CMSS1: variants seen among roughly 807,000 people sequenced by gnomAD.
The protein encoded by CMSS1 is cms1 ribosomal small subunit homolog, also known as protein CMSS1.
In CMSS1, 33 loss-of-function variants were observed where a neutral mutation model predicts 43.5. That is an observed-to-expected ratio of 0.76 (90% CI 0.57 to 1.01). The LOEUF (loss-of-function observed/expected upper bound fraction) is 1.01, where lower values mean the gene tolerates loss of function less well. Among genes scored for constraint, CMSS1 ranks in the 50% least tolerant of loss-of-function variants. The pLI is 0.00. For synonymous variants in CMSS1, 115 were observed against 117.2 expected (o/e 0.98, Z 0.12); for missense variants, 313 against 326.4 (o/e 0.96, Z 0.32).
intron 1 of CMSS1, among the ~76,000 whole-genome samples, chr3:99,950,591 G>T (rs889845808): frequency 2.0e-5 from 3 of 152,104 alleles, no homozygotes; most frequent in Non-Finnish European, 4.4e-5. Context: ...TTTAAAATGT[G>T]CTGTTCCCAG....
chr3:100,168,107 A>G (rs2067079907), intron 6 of CMSS1, among the ~76,000 whole-genome samples: 1 of 152,240 alleles, frequency 6.6e-6, no homozygotes, highest in South Asian at 2.1e-4. Context: ...GGGTGGTCAC[A>G]GAAAGCTTCT....
At chr3:100,091,673 A>G (rs1042617073) in intron 1 of CMSS1, among the ~76,000 whole-genome samples, 7 of 152,198 alleles carry the variant, frequency 4.6e-5, no homozygotes, top group Non-Finnish European at 8.8e-5. Flanking sequence ...GAGTATCCCA[A>G]ATTCCTGTTT....
chr3:99,833,671 AAGC>A (rs1942779393), intron 1 of CMSS1, among the ~76,000 whole-genome samples: 1 of 152,228 alleles, frequency 6.6e-6, no homozygotes. Context: ...TTGTGTAAGA[AAGC>A]AGTGTTTTCT....
intron 1 of CMSS1, chr3:99,849,501 T>G (rs780420744): frequency 6.2e-7 from 1 of 1,613,350 alleles, no homozygotes; most frequent in Admixed American, 1.7e-5. Flanking sequence ...ATTCATGAAT[T>G]TTCTCTTTTA....
At chr3:99,901,395 G>A (rs1706431287) in intron 1 of CMSS1, among the ~76,000 whole-genome samples, 1 of 152,196 alleles carries the variant, frequency 6.6e-6, no homozygotes, top group Admixed American at 6.5e-5. Flanking sequence ...GACAAGCGAT[G>A]ACTCATTTTA....
At chr3:99,903,963 G>A (rs1706527708) in intron 1 of CMSS1, among the ~76,000 whole-genome samples, 1 of 152,168 alleles carries the variant, frequency 6.6e-6, no homozygotes, top group Admixed American at 6.5e-5. Flanking sequence ...ATAGAAACAA[G>A]CCCAAGCTAA....
chr3:100,157,225 C>A (rs1007698353), intron 2 of CMSS1, among the ~76,000 whole-genome samples: 1 of 152,082 alleles, frequency 6.6e-6, no homozygotes, highest in Non-Finnish European at 1.5e-5. Flanking sequence ...TTTTATTCCA[C>A]ATTTCTTATT....
At chr3:99,943,528 A>G (rs530364410) in intron 1 of CMSS1, among the ~76,000 whole-genome samples, 1 of 152,122 alleles carries the variant, frequency 6.6e-6, no homozygotes, top group Admixed American at 6.5e-5. Context: ...ATATGGTGAA[A>G]CCCCATCTCT....
At chr3:99,915,817 T>C (rs866193537) in intron 1 of CMSS1, among the ~76,000 whole-genome samples, 28 of 152,302 alleles carry the variant, frequency 1.8e-4, no homozygotes, top group Middle Eastern at 6.8e-3. Context: ...GCATTGCACT[T>C]ATTGATGTTA....
chr3:99,846,430 TTGTC>T (rs1488066906), intron 1 of CMSS1, among the ~76,000 whole-genome samples: 4 of 152,244 alleles, frequency 2.6e-5, no homozygotes, highest in Non-Finnish European at 5.9e-5. Context: ...AGCATTATCA[TTGTC>T]TGTTTTGAAA....
intron 1 of CMSS1, among the ~76,000 whole-genome samples, chr3:100,090,691 G>A (rs1470344952): frequency 6.6e-6 from 1 of 152,092 alleles, no homozygotes; most frequent in Admixed American, 6.5e-5. Context: ...CATGAAATAA[G>A]GCTGTATTTA....
rs1055650591 is a variant in CMSS1 at position 99,817,872 on chromosome 3, G to T, written c.-108G>T. On this transcript the variant is annotated 5_prime_UTR_variant, in exon 1 of 10. Coordinates refer to ENST00000421999, the MANE Select transcript of CMSS1 (RefSeq NM_032359.4). Reference sequence around the variant, plus strand: ...CGGGGCGGAGGCGACAGTGTCTAGCGGGAGCTCCGCGTGTAGCTACGCCGG... The same window carrying T: ...CGGGGCGGAGGCGACAGTGTCTAGCTGGAGCTCCGCGTGTAGCTACGCCGG... 8.7e-7 allele frequency: 1 copy of T among 1,150,278 alleles called. No individual in the cohort carries two copies. Among genetic ancestry groups the T allele is most frequent in the Non-Finnish European group, 1.3e-6 (1 of 786,290 alleles). 71.3% of individuals were successfully genotyped at this position (1,150,278 alleles called of 1,614,324 possible).
intron 1 of CMSS1, among the ~76,000 whole-genome samples, chr3:99,820,096 T>C (rs1320274026): frequency 1.3e-5 from 2 of 152,112 alleles, no homozygotes; most frequent in African/African-American, 4.8e-5. Context: ...TTTAAATCGC[T>C]ACAGCCTCCT....
At chr3:99,827,597 C>T (rs774601799) in intron 1 of CMSS1, among the ~76,000 whole-genome samples, 16 of 152,092 alleles carry the variant, frequency 1.1e-4, no homozygotes, top group Non-Finnish European at 1.8e-4. Flanking sequence ...CATTTTTCTA[C>T]GCAAATTTTT....
At position 100,160,472 on chromosome 3, in the gene CMSS1, A is replaced by T; in HGVS notation, c.196A>T (p.Asn66Tyr). The change falls in exon 3 of 10, where the codon AAT becomes TAT. Residue 66 changes from asparagine (N) to tyrosine (Y), a missense_variant. Asn to Tyr is a moderately radical substitution (Grantham distance 143). Transcript: ENST00000421999. ...GATACAACCAAAGGAAAGAAAAGAGAATACCACCAAGACCAGGAAAAGAAG... is the reference window on the plus strand; with the variant it reads ...GATACAACCAAAGGAAAGAAAAGAGTATACCACCAAGACCAGGAAAAGAAG... Reference protein sequence around the residue: ...FLIQPKERKENTTKTRKRRKK... With the variant: ...FLIQPKERKEYTTKTRKRRKK... 1 of 1,516,004 alleles carries T rather than the reference A, an allele frequency of 6.6e-7. No individual in the cohort carries two copies. The allele number at this position is 1,516,004 out of a possible 1,614,324, so 93.9% of individuals were successfully genotyped here. A position where few individuals can be genotyped will look rare whatever the true frequency, so the allele number is the denominator to read the frequency against.
intron 1 of CMSS1, among the ~76,000 whole-genome samples, chr3:100,027,894 G>GA (rs2064956008): frequency 6.6e-6 from 1 of 152,180 alleles, no homozygotes; most frequent in South Asian, 2.1e-4. Flanking sequence ...GAGTGAGAGG[G>GA]AAAGTGGTCA....
At chr3:100,100,245 A>G (rs1267926279) in intron 1 of CMSS1, among the ~76,000 whole-genome samples, 3 of 152,284 alleles carry the variant, frequency 2.0e-5, no homozygotes, top group African/African-American at 7.2e-5. Flanking sequence ...TCCTGAGGAA[A>G]GGGTTGGACA....
intron 1 of CMSS1, among the ~76,000 whole-genome samples, chr3:99,933,173 G>T (rs927492605): frequency 1.3e-5 from 2 of 152,144 alleles, no homozygotes; most frequent in African/African-American, 2.4e-5. Context: ...AAATCATGCC[G>T]TAATGTCATT....
At chr3:99,947,568 T>C (rs1708048749) in intron 1 of CMSS1, among the ~76,000 whole-genome samples, 1 of 152,214 alleles carries the variant, frequency 6.6e-6, no homozygotes, top group African/African-American at 2.4e-5. Flanking sequence ...CAGGAGTCCA[T>C]GAGAACTGTC....
Sources: allele counts gnomAD v4.1 joint callset (sites outside exome capture counted in the v4.1 genomes callset), GRCh38; gene constraint gnomAD v4.1.1; transcripts MANE v1.5; gene names NCBI Gene and HGNC (gene_info 2026-07-23, HGNC 2026-07-21).